Variants in UBE2S observed in about 807,000 individuals in gnomAD.
The protein encoded by UBE2S is ubiquitin conjugating enzyme E2 S.
Under a neutral mutation model 12.3 loss-of-function variants are expected in UBE2S, and 3 were observed. The ratio of observed to expected loss-of-function variants is 0.24; its 90% CI spans 0.11 to 0.63. The LOEUF is 0.63. Among genes scored for constraint, UBE2S ranks in the 30% least tolerant of loss-of-function variants. The pLI, the probability that UBE2S is intolerant of heterozygous loss-of-function variation, is 0.85. For missense variants in UBE2S, 211 were observed against 313.9 expected, an observed-to-expected ratio of 0.67 and a Z score of 2.48; for synonymous variants, 133 against 142.0, an observed-to-expected ratio of 0.94 and a Z score of 0.45.
In UBE2S at chr19:55,407,764, C is replaced by G; in HGVS notation, c.-175G>C. On this transcript the variant is annotated 5_prime_UTR_variant, in exon 1 of 4. Coordinates refer to ENST00000264552, the MANE Select transcript of UBE2S (RefSeq NM_014501.3). ...GCGCACAGCGTAGACCAACCCGCCG[C>G]CCCGGTGCCCGGCAGCACTGAGCCG... The G allele has an allele frequency of 2.5e-6, 1 of 398,654 alleles. No individual in the cohort carries two copies. The highest frequency in any genetic ancestry group is 4.2e-6 in the Non-Finnish European group (1 of 239,888). The allele number at this position is 398,654 out of a possible 1,614,324, so 24.7% of individuals were successfully genotyped here. A position where few individuals can be genotyped will look rare whatever the true frequency, so the allele number is the denominator to read the frequency against.
chr19:55,404,570 A>G lies in UBE2S; in HGVS notation c.152-92T>C. Reference sequence around the variant, plus strand: ...GTCCAGTCTCCACGGTCTGATTGTGATGCAGGTGGGTGCCCCGCCAACTCT... The same window carrying G: ...GTCCAGTCTCCACGGTCTGATTGTGGTGCAGGTGGGTGCCCCGCCAACTCT... On this transcript the variant is annotated intron_variant, in intron 2 of 3. Transcript: ENST00000264552. The surrounding 1 kb of genome is among the most constrained non-coding windows in gnomAD (Gnocchi z 4.4). 1 of 1,232,458 alleles carries G rather than the reference A, an allele frequency of 8.1e-7. No homozygotes were observed. Among genetic ancestry groups the G allele is most frequent in the Non-Finnish European group, 1.1e-6 (1 of 896,300 alleles). 76.3% of individuals were successfully genotyped at this position (1,232,458 alleles called of 1,614,324 possible).
chr19:55,403,177 C>CA (rs2090073893), intron 3 of UBE2S: 4 of 674,056 alleles, frequency 5.9e-6, no homozygotes, highest in Middle Eastern at 2.7e-4. Context: ...CCTTGGGGGG[C>CA]AAAATCACCT....
chr19:55,407,336 G>C (rs2090103219), intron 1 of UBE2S, among the ~76,000 whole-genome samples: 1 of 152,082 alleles, frequency 6.6e-6, no homozygotes, highest in South Asian at 2.1e-4. Flanking sequence ...AGATGGCGGC[G>C]GGGCGTCCTT....
rs1399515206 is a variant in UBE2S at position 55,401,901 on chromosome 19, TCCTC to T, written c.343-143_343-140del. On this transcript the variant is annotated intron_variant, in intron 3 of 3. Coordinates refer to ENST00000264552, the MANE Select transcript of UBE2S (RefSeq NM_014501.3). ...AGATCCAGGCCCCACCTATGCTGCA[TCCTC>T]CCTCATCTTTGCTCCTGTCTCCCTC... 15 of 764,342 alleles carry T rather than the reference TCCTC, an allele frequency of 2.0e-5. No homozygotes were observed. The African/African-American group carries it at 5.1e-4, about 26-fold the overall frequency. 47.3% of individuals were successfully genotyped at this position (764,342 alleles called of 1,614,324 possible).
At chr19:55,403,055 C>T in intron 3 of UBE2S, 1 of 1,392,064 alleles carries the variant, frequency 7.2e-7, no homozygotes, top group Non-Finnish European at 9.9e-7. Flanking sequence ...GTCATGGAGC[C>T]ATCTCGTACG....
chr19:55,405,630 G>A (rs1379792384), intron 2 of UBE2S, among the ~76,000 whole-genome samples: 1 of 152,094 alleles, frequency 6.6e-6, no homozygotes, highest in Non-Finnish European at 1.5e-5. Context: ...AAGCTCGTCT[G>A]CACCCTCCTG....
Position 55,404,149 on chromosome 19 carries a change from T to C in UBE2S, c.342+139A>G. 3 of 1,154,506 alleles carry C rather than the reference T, an allele frequency of 2.6e-6. No homozygotes were observed. The highest frequency in any genetic ancestry group is 2.3e-5 in the Admixed American group (1 of 42,868). 71.5% of individuals were successfully genotyped at this position (1,154,506 alleles called of 1,614,324 possible). A position where few individuals can be genotyped will look rare whatever the true frequency, so the allele number is the denominator to read the frequency against. ...GCACTGTTTGTCTTTCCAGGAAAGC[T>C]AGCAACATGGATTTTTATGTGGAAA... On this transcript the variant is annotated intron_variant, in intron 3 of 3. Transcript: ENST00000264552. The surrounding 1 kb of genome is among the most constrained non-coding windows in gnomAD (Gnocchi z 4.4).
chr19:55,404,527 G>T lies in UBE2S; in HGVS notation c.152-49C>A. The T allele has an allele frequency of 6.6e-7, 1 of 1,509,716 alleles. No homozygotes were observed. The highest frequency in any genetic ancestry group is 8.9e-7 in the Non-Finnish European group (1 of 1,120,200). The allele number at this position is 1,509,716 out of a possible 1,614,324, so 93.5% of individuals were successfully genotyped here. On this transcript the variant is annotated intron_variant, in intron 2 of 3. Coordinates refer to ENST00000264552, the MANE Select transcript of UBE2S (RefSeq NM_014501.3). The surrounding 1 kb of genome is among the most constrained non-coding windows in gnomAD (Gnocchi z 4.4). ...GGTCAGGGCACTCAGGAGTCCCAAG[G>T]CACCTCAACACCCCAAAGTCCAGTC...
Position 55,404,485 on chromosome 19 carries a change from T to G in UBE2S, c.152-7A>C. ...CCAGCATATGGGGTCCCCTCTGGAG[T>G]GGAGGGAGGGGTACAGGGTCAGGGC... On this transcript the variant is annotated splice_region_variant and splice_polypyrimidine_tract_variant and intron_variant, in intron 2 of 3. Transcript: ENST00000264552. The surrounding 1 kb of genome is among the most constrained non-coding windows in gnomAD (Gnocchi z 4.4). 6.3e-7 allele frequency: 1 copy of G among 1,598,860 alleles called. No individual in the cohort carries two copies.
At chr19:55,405,514 A>AG (rs750264837) in intron 2 of UBE2S, among the ~76,000 whole-genome samples, 55 of 151,874 alleles carry the variant, frequency 3.6e-4, no homozygotes, top group Middle Eastern at 6.8e-3. Flanking sequence ...GTTTAGAGAG[A>AG]GAAAAAAAAA....
intron 3 of UBE2S, among the ~76,000 whole-genome samples, chr19:55,402,398 G>A (rs752993569): frequency 7.9e-5 from 12 of 152,210 alleles, no homozygotes; most frequent in Admixed American, 1.3e-4. Context: ...GGTGCACTTC[G>A]AGGGTGGTCC....
chr19:55,402,149 T>C (rs1367908837), intron 3 of UBE2S, among the ~76,000 whole-genome samples: 2 of 152,194 alleles, frequency 1.3e-5, no homozygotes, highest in African/African-American at 2.4e-5. Flanking sequence ...AGCATGACCT[T>C]AGAGGCCCTC....
In UBE2S at chr19:55,403,961, G is replaced by A. The variant is rs190910277; in HGVS notation, c.342+327C>T. The A allele has an allele frequency of 1.2e-3, 305 of 254,002 alleles. 1 individual carries two copies. Among genetic ancestry groups the A allele is most frequent in the African/African-American group, 6.9e-3 (290 of 42,196 alleles). 15.7% of individuals were successfully genotyped at this position (254,002 alleles called of 1,614,324 possible). ...TCACCATGTTGGCCAGGCTGGTCTCGAACTCCTGAGCTCAAGTGATCCACC... is the reference window on the plus strand; with the variant it reads ...TCACCATGTTGGCCAGGCTGGTCTCAAACTCCTGAGCTCAAGTGATCCACC... On this transcript the variant is annotated intron_variant, in intron 3 of 3. Transcript: ENST00000264552.
In UBE2S at chr19:55,401,466, C is replaced by T. The variant is rs373411270; in HGVS notation, c.639G>A (p.Thr213=). Residue 213 remains threonine, a synonymous_variant, in exon 4 of 4, where the codon ACG becomes ACA. Transcript: ENST00000264552. ...GCCGCCGCAGCGCCCGCTTCTTGTC[C>T]GTCTTTTTCTTGGCCGCCAGCTTCT... ...RDKKLAAKKK[T]DKKRALRRL The T allele has an allele frequency of 1.4e-4, 218 of 1,606,966 alleles. 1 individual carries two copies. Among genetic ancestry groups the T allele is most frequent in the Non-Finnish European group, 1.6e-4 (185 of 1,179,508 alleles).
Position 55,401,600 on chromosome 19 carries a change from G to T in UBE2S, c.505C>A (p.Arg169=). The stretch of plus-strand genomic sequence containing the variant: ...GCTTCAGTGCCACTGGCCAGGGCCC[G>T]ACCGGCTTCGGCCCTGCCGCTGGGC... ...GGPSGRAEAG[R]ALASGTEASS... Residue 169 remains arginine, a synonymous_variant, in exon 4 of 4, where the codon CGG becomes AGG. Transcript: ENST00000264552. The T allele has an allele frequency of 1.9e-6, 3 of 1,606,660 alleles. No individual in the cohort carries two copies. The highest frequency in any genetic ancestry group is 1.7e-6 in the Non-Finnish European group (2 of 1,177,808).
chr19:55,401,245 C>T lies in UBE2S; in HGVS notation c.*191G>A. The T allele has an allele frequency of 1.5e-6, 1 of 686,906 alleles. No homozygotes were observed. Among genetic ancestry groups the T allele is most frequent in the East Asian group, 2.8e-5 (1 of 36,342 alleles). The allele number at this position is 686,906 out of a possible 1,614,324, so 42.6% of individuals were successfully genotyped here. On this transcript the variant is annotated 3_prime_UTR_variant, in exon 4 of 4. Transcript: ENST00000264552. ...CCAAACTCCCAGAGCCACATGGCAC[C>T]ATGCAGCGGTCCTGGGGCATCTGTG...
chr19:55,407,419 C>A (rs561521867), intron 1 of UBE2S, among the ~76,000 whole-genome samples, 168 bp downstream of exon 1: 1 of 152,082 alleles, frequency 6.6e-6, no homozygotes, highest in Admixed American at 6.5e-5. Context: ...GCGGGCCGCC[C>A]GAGCTCCTGC....
rs2090044568 is a variant in UBE2S at position 55,399,830 on chromosome 19, CA to C, written c.*1605del. On this transcript the variant is annotated 3_prime_UTR_variant, in exon 4 of 4. Transcript: ENST00000264552. Reference sequence around the variant, plus strand: ...CCAGGATGCAGGCACCTTCCTTCAGCAAGGACTGTTTGCTTCCCTCATGCAG... The same window carrying C: ...CCAGGATGCAGGCACCTTCCTTCAGCAGGACTGTTTGCTTCCCTCATGCAG... 6.6e-6 allele frequency: 1 copy of C among 152,198 alleles called. No homozygotes were observed. The highest frequency in any genetic ancestry group is 2.4e-5 in the African/African-American group (1 of 41,434). 9.4% of individuals were successfully genotyped at this position (152,198 alleles called of 1,614,324 possible). A position where few individuals can be genotyped will look rare whatever the true frequency, so the allele number is the denominator to read the frequency against.
Position 55,404,224 on chromosome 19 carries a change from G to C in UBE2S, c.342+64C>G, listed in dbSNP as rs1410672780. 1.3e-6 allele frequency: 2 copies of C among 1,594,948 alleles called. No homozygotes were observed. Among genetic ancestry groups the C allele is most frequent in the African/African-American group, 2.7e-5 (2 of 72,834 alleles). On this transcript the variant is annotated intron_variant, in intron 3 of 3. Coordinates refer to ENST00000264552, the MANE Select transcript of UBE2S (RefSeq NM_014501.3). The surrounding 1 kb of genome is among the most constrained non-coding windows in gnomAD (Gnocchi z 4.4). ...CAGAAAAACTAAACAAAGCGCTATG[G>C]CTCAGACACCAGCAGACCTCCAGAG... is the stretch of plus-strand genomic sequence containing the variant.
Sources: allele counts gnomAD v4.1 joint callset (sites outside exome capture counted in the v4.1 genomes callset), GRCh38; gene constraint gnomAD v4.1.1; non-coding constraint Gnocchi (gnomAD v3.1); transcripts MANE v1.5; gene names NCBI Gene and HGNC (gene_info 2026-07-23, HGNC 2026-07-21).